The following RAB38 variants were observed in gnomAD, a reference collection of about 807,000 sequenced individuals.
The protein encoded by RAB38 is ras-related protein Rab-38.
A neutral mutation model predicts 18.4 loss-of-function variants in RAB38; 15 were observed. The ratio of observed to expected loss-of-function variants is 0.82; its 90% CI spans 0.55 to 1.26. RAB38 has a LOEUF of 1.26. Among genes scored for constraint, RAB38 ranks in the 50% most tolerant of loss-of-function variants. The pLI, the probability that RAB38 is intolerant of heterozygous loss-of-function variation, is 0.00. For missense variants in RAB38, 294 were observed against 267.4 expected (o/e 1.10, Z -0.69); for synonymous variants, 101 against 104.4 (o/e 0.97, Z 0.20).
At chr11:88,023,884 A>G in the RAB38 span, among the ~76,000 whole-genome samples, 1 of 152,178 alleles carries the variant, frequency 6.6e-6, no homozygotes, top group Non-Finnish European at 1.5e-5. Context: ...CACCTTATAC[A>G]AAAATCAAAT....
chr11:88,076,882 C>T, the RAB38 span, among the ~76,000 whole-genome samples: 1 of 145,902 alleles, frequency 6.9e-6, no homozygotes, highest in Non-Finnish European at 1.5e-5. Context: ...TCACTTGAAC[C>T]TGGAAAGCGG....
At chr11:87,863,371 C>CTGTT in the RAB38 span, among the ~76,000 whole-genome samples, 11 of 151,772 alleles carry the variant, frequency 7.2e-5, no homozygotes, top group Admixed American at 3.3e-4. Context: ...ATGACAATAG[C>CTGTT]TGTTAGTTTT....
At chr11:88,068,238 G>T in the RAB38 span, among the ~76,000 whole-genome samples, 1 of 151,836 alleles carries the variant, frequency 6.6e-6, no homozygotes, top group Non-Finnish European at 1.5e-5. Context: ...ATAATGTGTG[G>T]ATTTATGTAA....
the RAB38 span, among the ~76,000 whole-genome samples, chr11:87,812,313 C>A: frequency 7.2e-5 from 11 of 152,072 alleles, no homozygotes; most frequent in Non-Finnish European, 1.5e-4. Flanking sequence ...GCCAACTTTA[C>A]TCTTCTGTTA....
chr11:87,950,352 G>T, the RAB38 span, among the ~76,000 whole-genome samples: 1 of 152,118 alleles, frequency 6.6e-6, no homozygotes, highest in Non-Finnish European at 1.5e-5. Flanking sequence ...TTGCCAGTCT[G>T]TGTCTTTTAA....
chr11:88,073,256 C>G, the RAB38 span, among the ~76,000 whole-genome samples: 2 of 152,160 alleles, frequency 1.3e-5, no homozygotes, highest in African/African-American at 4.8e-5. Context: ...TGCTCTGTAA[C>G]TCAGCCAAAG....
chr11:87,806,053 AGCC>A, the RAB38 span, among the ~76,000 whole-genome samples: 1 of 152,236 alleles, frequency 6.6e-6, no homozygotes, highest in Admixed American at 6.5e-5. Context: ...TGGCTACTGT[AGCC>A]TAGTCAGGTT....
At chr11:88,004,351 G>T in the RAB38 span, among the ~76,000 whole-genome samples, 2 of 150,982 alleles carry the variant, frequency 1.3e-5, no homozygotes, top group Non-Finnish European at 3.0e-5. Context: ...ATCAATCAGT[G>T]TAATTTACCA....
At chr11:87,847,404 A>T in the RAB38 span, among the ~76,000 whole-genome samples, 3 of 152,166 alleles carry the variant, frequency 2.0e-5, no homozygotes, top group Non-Finnish European at 4.4e-5. Context: ...TACATGAAAC[A>T]GATTTCTTAA....
chr11:88,003,767 GTATATATTATA>G, the RAB38 span, among the ~76,000 whole-genome samples: 41 of 4,978 alleles, frequency 8.2e-3, 4 homozygotes, highest in African/African-American at 1.0e-2. Context: ...ATAATATATT[GTATATATTATA>G]TATAATATAT....
intron 2 of RAB38, among the ~76,000 whole-genome samples, chr11:88,126,805 C>T (rs909493391): frequency 6.6e-5 from 10 of 152,178 alleles, no homozygotes; most frequent in East Asian, 1.9e-4. Context: ...TGTTTCTTTA[C>T]GTATAATCTG....
the RAB38 span, among the ~76,000 whole-genome samples, chr11:87,812,592 A>G: frequency 2.0e-5 from 3 of 152,226 alleles, no homozygotes; most frequent in Non-Finnish European, 4.4e-5. Context: ...CAATGGAGAC[A>G]AGCACGGTCC....
chr11:88,098,956 AT>A, the RAB38 span, among the ~76,000 whole-genome samples: 11,895 of 151,900 alleles, frequency 0.078, 740 homozygotes, highest in East Asian at 0.26. Flanking sequence ...TGTTGCTATT[AT>A]TTTTTAGTAA....
intron 2 of RAB38, among the ~76,000 whole-genome samples, chr11:88,129,410 G>C (rs1942741120): frequency 6.6e-6 from 1 of 152,180 alleles, no homozygotes; most frequent in African/African-American, 2.4e-5. Flanking sequence ...GGAGGCTGAA[G>C]TGGGCGGATC....
chr11:88,147,842 G>A (rs761456384), intron 2 of RAB38, among the ~76,000 whole-genome samples: 5 of 151,988 alleles, frequency 3.3e-5, no homozygotes, highest in Non-Finnish European at 5.9e-5. Flanking sequence ...GCAGTGAGCC[G>A]AGACCATGCC....
At chr11:88,017,139 G>T in the RAB38 span, among the ~76,000 whole-genome samples, 1 of 152,038 alleles carries the variant, frequency 6.6e-6, no homozygotes, top group South Asian at 2.1e-4. Flanking sequence ...ACTGCAAGCA[G>T]AGAGGATGAA....
the RAB38 span, among the ~76,000 whole-genome samples, chr11:88,021,899 C>A: frequency 6.7e-6 from 1 of 148,380 alleles, no homozygotes; most frequent in African/African-American, 2.5e-5. Context: ...AAATTCCTGA[C>A]CTAAAGTGAT....
the RAB38 span, among the ~76,000 whole-genome samples, chr11:87,867,592 G>A: frequency 3.3e-5 from 5 of 151,742 alleles, no homozygotes; most frequent in Admixed American, 2.6e-4. Context: ...TTGCACAGAT[G>A]TGGGTAATAA....
At position 88,114,026 on chromosome 11, in the gene RAB38, T is replaced by C. The variant is rs1441323348; in HGVS notation, c.598A>G (p.Thr200Ala). 4 of 1,614,036 alleles carry C rather than the reference T, an allele frequency of 2.5e-6. No homozygotes were observed. Among genetic ancestry groups the C allele is most frequent in the African/African-American group, 1.3e-5 (1 of 74,934 alleles). The change falls in exon 3 of 3, where the codon ACC becomes GCC. Residue 200 changes from threonine (T) to alanine (A), a missense_variant. Coordinates refer to ENST00000243662, the MANE Select transcript of RAB38 (RefSeq NM_022337.3). Reference sequence around the variant, plus strand: ...CAGCCAGAGCAGCTGGCAACCTTGGTTGATGTGAGATGGGGCTTCACGACG... The same window carrying C: ...CAGCCAGAGCAGCTGGCAACCTTGGCTGATGTGAGATGGGGCTTCACGACG... Reference protein sequence around the residue: ...PDVVKPHLTSTKVASCSGCAK... With the variant: ...PDVVKPHLTSAKVASCSGCAK...
Sources: allele counts gnomAD v4.1 joint callset (sites outside exome capture counted in the v4.1 genomes callset), GRCh38; gene constraint gnomAD v4.1.1; transcripts MANE v1.5; gene names NCBI Gene and HGNC (gene_info 2026-07-23, HGNC 2026-07-21).